The following CUBN variants were observed in gnomAD, a reference collection of about 807,000 sequenced individuals.
The protein encoded by CUBN is 460 kDa receptor.
CUBN carries 282 observed loss-of-function variants against 405.3 expected under a neutral mutation model. That is an observed-to-expected ratio of 0.70 (90% CI 0.63 to 0.77). The LOEUF is 0.77. CUBN is among the 30% of genes least tolerant of loss of function. The pLI is 0.00. For missense variants in CUBN, 4,514 were observed against 4,475.2 expected, an observed-to-expected ratio of 1.01 and a Z score of -0.25; for synonymous variants, 1,684 against 1,617.0, an observed-to-expected ratio of 1.04 and a Z score of -0.99.
At chr10:17,095,837 T>A (rs757637638) in intron 14 of CUBN, among the ~76,000 whole-genome samples, 12 of 152,108 alleles carry the variant, frequency 7.9e-5, no homozygotes, top group Non-Finnish European at 7.4e-5. Flanking sequence ...ACATTCACCA[T>A]AGCCAAGATA....
rs1015628157 is a variant in CUBN, at chr10:16,984,270, C to T, written c.4360G>A (p.Gly1454Ser). 5 of 1,613,860 alleles carry T rather than the reference C, an allele frequency of 3.1e-6. No homozygotes were observed. In the African/African-American group the frequency reaches 6.7e-5, roughly 22 times the overall value. Reference protein sequence around the residue: ...CNFDVLEIYGGPDFHSPRIAQ... With the variant: ...CNFDVLEIYGSPDFHSPRIAQ... ...ATTCTGGGAGAGTGGAAATCGGGGC[C>T]TCCATAGATCTAACATGGGATGTAG... Residue 1454 changes from glycine to serine, a missense_variant, in exon 30 of 67, where the codon GGC becomes AGC. Gly to Ser is a moderately conservative substitution (Grantham distance 56). This residue lies in a region of CUBN where 1,613 missense variants were observed against 1,542.8 expected (regional missense o/e 1.05). Coordinates refer to ENST00000377833, the MANE Select transcript of CUBN (RefSeq NM_001081.4).
chr10:16,831,794 G>A (rs1192762928), intron 64 of CUBN, among the ~76,000 whole-genome samples: 1 of 152,102 alleles, frequency 6.6e-6, no homozygotes, highest in Admixed American at 6.5e-5. Context: ...GGGCAATGTT[G>A]CCTGCTCTGC....
At chr10:16,843,031 C>T (rs1839401349) in intron 60 of CUBN, among the ~76,000 whole-genome samples, 2 of 152,292 alleles carry the variant, frequency 1.3e-5, no homozygotes, top group South Asian at 4.1e-4. Flanking sequence ...GTTTTATTTT[C>T]CTATTATAAT....
At chr10:17,060,606 C>T (rs1564498924) in intron 22 of CUBN, among the ~76,000 whole-genome samples, 1 of 152,166 alleles carries the variant, frequency 6.6e-6, no homozygotes, top group African/African-American at 2.4e-5. Flanking sequence ...TATGAGAAAA[C>T]ACTAGCCAGT....
chr10:16,875,904 T>C (rs1380642656), intron 57 of CUBN, among the ~76,000 whole-genome samples: 1 of 152,226 alleles, frequency 6.6e-6, no homozygotes, highest in Admixed American at 6.5e-5. Context: ...CTTCTCTTTA[T>C]TCAACAAGAC....
At chr10:17,028,758 T>C (rs905092710) in intron 27 of CUBN, among the ~76,000 whole-genome samples, 2 of 150,702 alleles carry the variant, frequency 1.3e-5, no homozygotes, top group Non-Finnish European at 1.5e-5. Context: ...AAATAATAAA[T>C]AAATAAATAA....
intron 22 of CUBN, 21 bp from the exon 23 acceptor site, chr10:17,047,624 TA>T: frequency 6.2e-7 from 1 of 1,604,180 alleles, no homozygotes; most frequent in African/African-American, 1.3e-5. Context: ...AAACAGACCA[TA>T]AGAGAGAAAA....
At chr10:16,999,451 A>T (rs1470399395) in intron 28 of CUBN, among the ~76,000 whole-genome samples, 4 of 152,246 alleles carry the variant, frequency 2.6e-5, no homozygotes, top group Admixed American at 2.6e-4. Context: ...AAATTAAAAA[A>T]TGGTTTCCCA....
In CUBN at chr10:16,939,924, T is replaced by C. The variant is rs1461919682; in HGVS notation, c.5548+108A>G. ...AATTCACAAAGACAATGTAGGAAAATAGTGTAGAGTTTAGGATTGTTCTTG... is the reference window on the plus strand; with the variant it reads ...AATTCACAAAGACAATGTAGGAAAACAGTGTAGAGTTTAGGATTGTTCTTG... On this transcript the variant is annotated intron_variant, in intron 37 of 66. Transcript: ENST00000377833. 2.6e-5 allele frequency: 25 copies of C among 975,224 alleles called. 1 individual carries two copies. The highest frequency in any genetic ancestry group is 2.4e-4 in the South Asian group (18 of 76,382). The allele number at this position is 975,224 out of a possible 1,614,324, so 60.4% of individuals were successfully genotyped here.
intron 43 of CUBN, among the ~76,000 whole-genome samples, chr10:16,922,693 T>C (rs1352571979): frequency 6.6e-6 from 1 of 152,148 alleles, no homozygotes; most frequent in Non-Finnish European, 1.5e-5. Context: ...ACTTGTAACA[T>C]TGAGATTTTC....
At chr10:17,111,788 G>A (rs1389102429) in intron 8 of CUBN, among the ~76,000 whole-genome samples, 1 of 152,202 alleles carries the variant, frequency 6.6e-6, no homozygotes, top group Non-Finnish European at 1.5e-5. Context: ...GCTGGATGTG[G>A]TGGTTCACGC....
rs144560387 is a variant in CUBN at position 16,862,160 on chromosome 10, T to TCTCTCTCTCACACA, written c.9454+7475_9454+7476insTGTGTGAGAGAGAG. Among the ~76,000 whole-genome samples, 210 of 131,198 alleles carry TCTCTCTCTCACACA rather than the reference T, an allele frequency of 1.6e-3. 1 individual carries two copies. The highest frequency in any genetic ancestry group is 6.3e-3 in the African/African-American group (193 of 30,772). 86.1% of individuals were successfully genotyped at this position (131,198 alleles called of 152,430 possible). The stretch of plus-strand genomic sequence containing the variant: ...GAGACTCCGTCTCTCTCTCTCTCTC[T>TCTCTCTCTCACACA]CACACACACACACACACACACACAC... On this transcript the variant is annotated intron_variant, in intron 59 of 66. Transcript: ENST00000377833.
At chr10:17,003,336 G>A (rs773154450) in intron 28 of CUBN, among the ~76,000 whole-genome samples, 38 of 152,080 alleles carry the variant, frequency 2.5e-4, no homozygotes, top group Non-Finnish European at 5.0e-4. Flanking sequence ...GAAGGTCTGC[G>A]CCTGAGATTA....
chr10:16,915,714 A>T, intron 46 of CUBN, 107 bp downstream of exon 46: 1 of 896,678 alleles, frequency 1.1e-6, no homozygotes, highest in Non-Finnish European at 1.8e-6. Context: ...ACTTCTCTGC[A>T]GAGTATAGAT....
chr10:17,073,319 CAGATA>C (rs1262573166), intron 17 of CUBN, among the ~76,000 whole-genome samples: 9 of 151,920 alleles, frequency 5.9e-5, no homozygotes, highest in Non-Finnish European at 7.4e-5. Context: ...CTCAGTACAT[CAGATA>C]AGATAAGCCA....
intron 65 of CUBN, among the ~76,000 whole-genome samples, chr10:16,830,817 C>T (rs537493759): frequency 1.3e-5 from 2 of 152,076 alleles, no homozygotes; most frequent in African/African-American, 2.4e-5. Flanking sequence ...GTAATCTGGC[C>T]GGGCGCGGTG....
intron 3 of CUBN, among the ~76,000 whole-genome samples, chr10:17,127,431 ATTT>A (rs71268608): frequency 2.3e-5 from 2 of 85,924 alleles, no homozygotes; most frequent in African/African-American, 4.6e-5. Context: ...ATGCCCAGCT[ATTT>A]TTTTTTTTTT....
intron 6 of CUBN, 132 bp downstream of exon 6, chr10:17,122,663 G>T (rs1837070467): frequency 2.9e-6 from 2 of 693,018 alleles, no homozygotes; most frequent in Admixed American, 2.3e-5. Flanking sequence ...TTAAGCAAGA[G>T]CTAAATATTT....
At chr10:17,032,990 C>T (rs1038082744) in intron 27 of CUBN, among the ~76,000 whole-genome samples, 3 of 152,192 alleles carry the variant, frequency 2.0e-5, no homozygotes, top group Non-Finnish European at 2.9e-5. Flanking sequence ...ATGGTGAAGA[C>T]CTGGAGTTCT....
Sources: gnomAD v4.1 joint callset for allele counts (sites outside exome capture counted in the v4.1 genomes callset) on GRCh38, gnomAD v4.1.1 for gene constraint, gnomAD v4.1.1 regional missense constraint, MANE v1.5 for transcripts, NCBI Gene and HGNC (gene_info 2026-07-23, HGNC 2026-07-21) for gene names.